CALN1: variants seen among roughly 807,000 people sequenced by gnomAD.
CALN1 encodes calneuron 1.
CALN1 carries 17 observed loss-of-function variants against 30.6 expected under a neutral mutation model. The observed-to-expected ratio is 0.56, with a 90% CI of 0.38 to 0.83. CALN1 has a LOEUF of 0.83. Ranked by LOEUF, CALN1 falls within the 40% of genes least tolerant of loss-of-function variation. The pLI, the probability that CALN1 is intolerant of heterozygous loss-of-function variation, is 0.00. For synonymous variants in CALN1, 156 were observed against 131.4 expected, an observed-to-expected ratio of 1.19 and a Z score of -1.28; for missense variants, 291 against 354.9, an observed-to-expected ratio of 0.82 and a Z score of 1.45.
At chr7:72,387,874 G>A (rs1024920911) in intron 2 of CALN1, among the ~76,000 whole-genome samples, 1 of 152,184 alleles carries the variant, frequency 6.6e-6, no homozygotes, top group Admixed American at 6.5e-5. Context: ...GTGGTTACCA[G>A]AGGTTGGGGA....
chr7:72,222,621 T>C (rs150195565), intron 3 of CALN1, among the ~76,000 whole-genome samples: 15 of 152,206 alleles, frequency 9.9e-5, no homozygotes, highest in Non-Finnish European at 1.8e-4. Flanking sequence ...ATCCAAACCA[T>C]ATCAGGTGCC....
chr7:71,976,134 C>T (rs772313705), intron 5 of CALN1, among the ~76,000 whole-genome samples: 1 of 151,906 alleles, frequency 6.6e-6, no homozygotes, highest in African/African-American at 2.4e-5. Flanking sequence ...CCACCATTGA[C>T]TTTATTTGAA....
intron 1 of CALN1, among the ~76,000 whole-genome samples, chr7:72,408,666 T>C (rs371417040): frequency 2.7e-4 from 31 of 112,928 alleles, no homozygotes; most frequent in Middle Eastern, 3.8e-3. Flanking sequence ...CACCAATTAT[T>C]ATCTTTTCCT....
chr7:72,071,772 A>C (rs370620767), intron 4 of CALN1, among the ~76,000 whole-genome samples: 4 of 152,216 alleles, frequency 2.6e-5, no homozygotes, highest in African/African-American at 9.6e-5. Context: ...AAAAATAATA[A>C]ATCAACAAAA....
chr7:72,178,028 T>C (rs537877481), intron 3 of CALN1, among the ~76,000 whole-genome samples: 99 of 152,308 alleles, frequency 6.5e-4, no homozygotes, highest in African/African-American at 2.1e-3. Context: ...TGAGGCCTTT[T>C]ATTACCATTA....
chr7:72,375,264 C>A (rs1804488823), intron 2 of CALN1, among the ~76,000 whole-genome samples: 1 of 151,936 alleles, frequency 6.6e-6, no homozygotes, highest in African/African-American at 2.4e-5. Context: ...GGAGGCTTGA[C>A]CAGAAAAAAG....
At chr7:72,042,644 C>T (rs1240196391) in intron 4 of CALN1, among the ~76,000 whole-genome samples, 2 of 152,074 alleles carry the variant, frequency 1.3e-5, no homozygotes, top group East Asian at 1.9e-4. Context: ...GCTGAGGCTG[C>T]AGGATTGCTT....
intron 3 of CALN1, among the ~76,000 whole-genome samples, chr7:72,229,708 C>T (rs973712985): frequency 3.3e-5 from 5 of 151,950 alleles, no homozygotes; most frequent in African/African-American, 7.2e-5. Flanking sequence ...CGCATGTTCT[C>T]ACTCATAAGT....
chr7:72,333,709 G>C (rs1801824664), intron 2 of CALN1, among the ~76,000 whole-genome samples: 1 of 141,268 alleles, frequency 7.1e-6, no homozygotes, highest in African/African-American at 2.7e-5. Flanking sequence ...AAAAAAAAAA[G>C]CTTACCATCA....
intron 4 of CALN1, among the ~76,000 whole-genome samples, chr7:72,082,191 G>T (rs1192495054): frequency 2.0e-5 from 3 of 152,130 alleles, no homozygotes; most frequent in Admixed American, 6.6e-5. Flanking sequence ...TCACCACGTT[G>T]GTCAGGCTTA....
intron 2 of CALN1, among the ~76,000 whole-genome samples, chr7:72,358,657 A>C (rs1424318455): frequency 6.6e-6 from 1 of 152,110 alleles, no homozygotes; most frequent in Non-Finnish European, 1.5e-5. Context: ...TAGATGTAAA[A>C]ATAACATTGG....
At chr7:72,308,902 A>G (rs1369734517) in intron 2 of CALN1, among the ~76,000 whole-genome samples, 1 of 152,206 alleles carries the variant, frequency 6.6e-6, no homozygotes, top group Non-Finnish European at 1.5e-5. Context: ...ATTTTGCATG[A>G]AATTCCATGC....
intron 3 of CALN1, among the ~76,000 whole-genome samples, chr7:72,236,864 A>G (rs1794505315): frequency 6.6e-6 from 1 of 152,138 alleles, no homozygotes; most frequent in African/African-American, 2.4e-5. Context: ...TGGCCAAGGG[A>G]TAGATTTGTG....
chr7:71,954,129 A>G (rs937320406), intron 5 of CALN1, among the ~76,000 whole-genome samples: 8 of 151,718 alleles, frequency 5.3e-5, no homozygotes, highest in Non-Finnish European at 8.8e-5. Flanking sequence ...TTTGAGGCCA[A>G]CGTGGGCAAC....
rs1037512719 is a variant in CALN1, at chr7:71,784,070, T to C, written c.*3705A>G. 9 of 152,192 alleles carry C rather than the reference T, an allele frequency of 5.9e-5. No individual in the cohort carries two copies. Among genetic ancestry groups the C allele is most frequent in the African/African-American group, 2.2e-4 (9 of 41,458 alleles). The allele number at this position is 152,192 out of a possible 1,614,324, so 9.4% of individuals were successfully genotyped here. On this transcript the variant is annotated 3_prime_UTR_variant, in exon 7 of 7. Transcript: ENST00000395275. The stretch of plus-strand genomic sequence containing the variant: ...ACAGGCAAACCGATACTTTTAAAGA[T>C]TGGAGGCTTAATATCTTGTTTGCCT...
At chr7:72,472,247 C>T in the CALN1 span, among the ~76,000 whole-genome samples, 2 of 152,192 alleles carry the variant, frequency 1.3e-5, no homozygotes, top group Non-Finnish European at 2.9e-5. Context: ...CATCTCCGTT[C>T]CTGAGCCTGG....
chr7:72,326,120 C>T (rs1801259486), intron 2 of CALN1, among the ~76,000 whole-genome samples: 2 of 152,182 alleles, frequency 1.3e-5, no homozygotes, highest in South Asian at 4.1e-4. Flanking sequence ...CCAGGCTGGT[C>T]TCGAACTCCT....
At chr7:72,271,564 T>TAAAAAAAAAAAAAAAAA (rs1305576740) in intron 3 of CALN1, among the ~76,000 whole-genome samples, 7 of 64,582 alleles carry the variant, frequency 1.1e-4, no homozygotes, top group African/African-American at 5.5e-4. Context: ...GCCTGCCTTT[T>TAAAAAAAAAAAAAAAAA]AAAAAAAAAA....
intron 3 of CALN1, among the ~76,000 whole-genome samples, chr7:72,153,066 A>G (rs1787380270): frequency 6.6e-6 from 1 of 152,220 alleles, no homozygotes; most frequent in Non-Finnish European, 1.5e-5. Context: ...CGGCTACCAG[A>G]ATCAAGCCAC....
Sources: allele counts gnomAD v4.1 joint callset (sites outside exome capture counted in the v4.1 genomes callset), GRCh38; gene constraint gnomAD v4.1.1; transcripts MANE v1.5; gene names NCBI Gene and HGNC (gene_info 2026-07-23, HGNC 2026-07-21).